MRPL21: variants seen among roughly 807,000 people sequenced by gnomAD.
MRPL21 encodes the protein large ribosomal subunit protein bL21m.
MRPL21 carries 20 observed loss-of-function variants against 27.3 expected under a neutral mutation model. That is an observed-to-expected ratio of 0.73 (90% CI 0.52 to 1.06). The LOEUF (loss-of-function observed/expected upper bound fraction) is 1.06. MRPL21 is among the 50% of genes least tolerant of loss of function. The probability of loss-of-function intolerance (pLI) is 0.00; values close to 1 mark genes in which losing one functional copy is unlikely to be tolerated. For synonymous variants in MRPL21, 98 were observed against 101.5 expected, an observed-to-expected ratio of 0.97 and a Z score of 0.21; for missense variants, 249 against 251.4, an observed-to-expected ratio of 0.99 and a Z score of 0.06.
chr11:68,896,407 A>T, intron 4 of MRPL21, 108 bp downstream of exon 4: 1 of 1,393,144 alleles, frequency 7.2e-7, no homozygotes, highest in Non-Finnish European at 9.9e-7. Flanking sequence ...GTTGGCCTCC[A>T]CCTGAGACGG....
chr11:68,896,803 A>G, intron 3 of MRPL21, 125 bp from the exon 4 acceptor site: 1 of 1,293,560 alleles, frequency 7.7e-7, no homozygotes, highest in Non-Finnish European at 1.1e-6. Flanking sequence ...CCTTGTGAGC[A>G]CCTCACTGCT....
chr11:68,900,520 G>A (rs774403716), intron 2 of MRPL21, 28 bp downstream of exon 2: 5 of 1,601,938 alleles, frequency 3.1e-6, no homozygotes, highest in Non-Finnish European at 4.3e-6. Flanking sequence ...AAGGAAAAGA[G>A]GCACCAAAAC....
intron 1 of MRPL21, among the ~76,000 whole-genome samples, chr11:68,900,969 C>G (rs482172): frequency 7.6e-4 from 115 of 152,152 alleles, no homozygotes; most frequent in African/African-American, 2.7e-3. Context: ...CCCCTGTTAG[C>G]CCCCTGGGAG....
intron 6 of MRPL21, chr11:68,891,811 T>A: frequency 2.2e-6 from 1 of 463,542 alleles, no homozygotes; most frequent in Non-Finnish European, 3.8e-6. Flanking sequence ...TATTTAACTA[T>A]GCCCACTGTT....
chr11:68,897,127 C>T (rs1037250480), intron 3 of MRPL21, among the ~76,000 whole-genome samples: 6 of 152,264 alleles, frequency 3.9e-5, no homozygotes, highest in Non-Finnish European at 5.9e-5. Flanking sequence ...AGGAGCCCCC[C>T]GTATCCCAAC....
rs1388127218 is a variant in MRPL21, at chr11:68,897,569, C to T, written c.232+358G>A. 2.1e-5 allele frequency: 6 copies of T among 290,520 alleles called. No individual in the cohort carries two copies. In the East Asian group the frequency reaches 4.1e-4, roughly 20 times the overall value. 18.0% of individuals were successfully genotyped at this position (290,520 alleles called of 1,614,324 possible). On this transcript the variant is annotated intron_variant, in intron 3 of 6. Transcript: ENST00000362034. ...GTCGACATGAGTCCTGATACCTCTG[C>T]ATGTTTCTCCAACAGCCCGGGTGGC...
At chr11:68,901,199 T>A (rs1442056166) in intron 1 of MRPL21, among the ~76,000 whole-genome samples, 1 of 152,200 alleles carries the variant, frequency 6.6e-6, no homozygotes, top group Non-Finnish European at 1.5e-5. Flanking sequence ...AGGTAGATTC[T>A]CCAGCCGCTG....
rs770406712 is a variant in MRPL21 at position 68,891,358 on chromosome 11, G to A, written c.591C>T (p.Ser197=). The A allele has an allele frequency of 1.2e-6, 2 of 1,614,080 alleles. No individual in the cohort carries two copies. The highest frequency in any genetic ancestry group is 1.1e-5 in the South Asian group (1 of 91,086). ...TTPQTVLRIN[S]IEIAPCLL is the part of the protein sequence containing the mutation. ...ACAACAAACACGGAGCAATCTCAAT[G>A]CTGTTTATCCGGAGGACAGTCTGCG... Residue 197 remains serine (S), a synonymous_variant, in exon 7 of 7, where the codon AGC becomes AGT. Transcript: ENST00000362034.
intron 2 of MRPL21, among the ~76,000 whole-genome samples, chr11:68,898,547 C>G (rs1486790394): frequency 6.6e-6 from 1 of 152,226 alleles, no homozygotes; most frequent in African/African-American, 2.4e-5. Flanking sequence ...CAGGTGAGTG[C>G]CAGGCAGAAC....
chr11:68,894,298 T>G (rs1018315510), intron 4 of MRPL21, among the ~76,000 whole-genome samples: 3 of 152,182 alleles, frequency 2.0e-5, no homozygotes, highest in African/African-American at 7.2e-5. Context: ...CTTCTTTTTG[T>G]GACCCAGAGT....
chr11:68,894,980 G>A (rs1056146031), intron 4 of MRPL21, among the ~76,000 whole-genome samples: 2 of 152,182 alleles, frequency 1.3e-5, no homozygotes, highest in East Asian at 3.9e-4. Context: ...AAAAGAGTGG[G>A]CAGGCCGGGC....
intron 3 of MRPL21, chr11:68,897,552 G>A (rs1452316062): frequency 4.2e-6 from 1 of 237,332 alleles, no homozygotes; most frequent in Non-Finnish European, 8.2e-6. Flanking sequence ...AGGTCGACAT[G>A]AGTCCTGATA....
Position 68,896,599 on chromosome 11 carries a change from GCGGCTGGCAAAGTGCACCA to G in MRPL21, c.293_311del (p.Val98AlafsTer5). On this transcript the variant is annotated frameshift_variant, in exon 4 of 7. Coordinates refer to ENST00000362034, the MANE Select transcript of MRPL21 (RefSeq NM_181514.2). LOFTEE classifies it high-confidence loss of function. ...GGTCTTCAGAGGTCACCTTCCACTGGCGGCTGGCAAAGTGCACCACGGCAAAGAGCCTGCCATACTGCCC... is the reference window on the plus strand; with the variant it reads ...GGTCTTCAGAGGTCACCTTCCACTGGCGGCAAAGAGCCTGCCATACTGCCC... 1 of 1,614,236 alleles carries G rather than the reference GCGGCTGGCAAAGTGCACCA, an allele frequency of 6.2e-7. No homozygotes were observed. The highest frequency in any genetic ancestry group is 8.5e-7 in the Non-Finnish European group (1 of 1,180,042).
At chr11:68,895,542 C>G (rs1288921024) in intron 4 of MRPL21, among the ~76,000 whole-genome samples, 2 of 152,014 alleles carry the variant, frequency 1.3e-5, no homozygotes, top group Admixed American at 6.6e-5. Flanking sequence ...CCTAGCTACT[C>G]GGGAGGCTGA....
At chr11:68,903,634 C>T (rs1858034328) in intron 1 of MRPL21, 89 bp downstream of exon 1, 9 of 1,353,594 alleles carry the variant, frequency 6.6e-6, no homozygotes, top group Non-Finnish European at 9.5e-6. Flanking sequence ...ACACAAGGCA[C>T]CAGGTCGGAC....
chr11:68,891,724 G>T (rs1857651537), intron 6 of MRPL21: 1 of 535,464 alleles, frequency 1.9e-6, no homozygotes, highest in Non-Finnish European at 3.4e-6. Flanking sequence ...AGGCTACCTG[G>T]AAGTGTCAGA....
chr11:68,901,831 A>G (rs952559399), intron 1 of MRPL21, among the ~76,000 whole-genome samples: 2 of 152,110 alleles, frequency 1.3e-5, no homozygotes, highest in African/African-American at 4.8e-5. Context: ...TCACACCTCC[A>G]GAGGCTCCTC....
chr11:68,891,550 C>T lies in MRPL21; in HGVS notation c.554-155G>A, dbSNP rs1426229047. On this transcript the variant is annotated intron_variant, in intron 6 of 6. Transcript: ENST00000362034. ...TTTATCTCCAGGTGTGCACTGACTGCCTCGCTAGCTTGTTCGTTCACTCTG... is the reference window on the plus strand; with the variant it reads ...TTTATCTCCAGGTGTGCACTGACTGTCTCGCTAGCTTGTTCGTTCACTCTG... The T allele has an allele frequency of 1.4e-5, 10 of 730,490 alleles. 1 individual carries two copies. The South Asian group carries it at 1.5e-4, about 11-fold the overall frequency. The allele number at this position is 730,490 out of a possible 1,614,324, so 45.3% of individuals were successfully genotyped here.
At chr11:68,896,376 TC>T (rs1293126423) in intron 4 of MRPL21, 138 bp downstream of exon 4, 7 of 1,146,002 alleles carry the variant, frequency 6.1e-6, no homozygotes, top group Non-Finnish European at 8.8e-6. Flanking sequence ...CCCCCCAAAG[TC>T]CCTTCTGAGC....
Sources: gnomAD v4.1 joint callset for allele counts (sites outside exome capture counted in the v4.1 genomes callset) on GRCh38, gnomAD v4.1.1 for gene constraint, MANE v1.5 for transcripts, NCBI Gene and HGNC (gene_info 2026-07-23, HGNC 2026-07-21) for gene names.